NALCN: variants seen among roughly 807,000 people sequenced by gnomAD.
NALCN encodes sodium leak channel, non-selective.
Under a neutral mutation model 225.3 loss-of-function variants are expected in NALCN, and 111 were observed. The observed-to-expected ratio is 0.49, with a 90% CI of 0.42 to 0.58. The LOEUF is 0.58. Among genes scored for constraint, NALCN ranks in the 20% least tolerant of loss-of-function variants. The pLI is 0.00. For synonymous variants in NALCN, 764 were observed against 769.0 expected (o/e 0.99, Z 0.11); for missense variants, 1,378 against 2,202.4 (o/e 0.63, Z 7.49).
intron 1 of NALCN, among the ~76,000 whole-genome samples, chr13:101,412,038 C>G (rs1336393289): frequency 6.6e-6 from 1 of 152,166 alleles, no homozygotes; most frequent in Non-Finnish European, 1.5e-5. Context: ...AGCATTTGAT[C>G]ACAATGATGG....
intron 7 of NALCN, among the ~76,000 whole-genome samples, chr13:101,306,709 A>T (rs77167683): frequency 0.015 from 2,360 of 152,326 alleles, 17 homozygotes; most frequent in Non-Finnish European, 0.024. Context: ...GGCTTGGCTC[A>T]TTTAATCCTC....
intron 4 of NALCN, 123 bp from the exon 5 acceptor site, chr13:101,377,179 A>G (rs1434405491): frequency 3.3e-6 from 4 of 1,213,650 alleles, no homozygotes; most frequent in Admixed American, 5.4e-5. Context: ...GCCATACATT[A>G]TTTTCCACCA....
intron 6 of NALCN, among the ~76,000 whole-genome samples, chr13:101,363,051 C>G (rs2046290853): frequency 6.6e-6 from 1 of 151,926 alleles, no homozygotes; most frequent in Non-Finnish European, 1.5e-5. Flanking sequence ...AAGATCTCTA[C>G]AATGAAAACT....
chr13:101,321,945 T>C (rs536080897), intron 7 of NALCN, among the ~76,000 whole-genome samples: 25 of 152,304 alleles, frequency 1.6e-4, no homozygotes, highest in African/African-American at 5.8e-4. Context: ...TCTTATGTAA[T>C]TGAGTTTTTT....
At chr13:101,106,941 G>A (rs2035148464) in intron 22 of NALCN, among the ~76,000 whole-genome samples, 1 of 152,168 alleles carries the variant, frequency 6.6e-6, no homozygotes, top group Non-Finnish European at 1.5e-5. Context: ...TCCACAACTA[G>A]TGTCTTCAAT....
intron 18 of NALCN, among the ~76,000 whole-genome samples, chr13:101,118,533 T>C (rs1389598894): frequency 1.3e-5 from 2 of 152,228 alleles, no homozygotes; most frequent in Non-Finnish European, 2.9e-5. Flanking sequence ...CTCCTTAGTT[T>C]ATGGTTGTCT....
At chr13:101,062,527 G>A (rs575834032) in intron 40 of NALCN, among the ~76,000 whole-genome samples, 6 of 152,188 alleles carry the variant, frequency 3.9e-5, no homozygotes, top group East Asian at 1.9e-4. Flanking sequence ...TCGGCTGTGC[G>A]TCACACATCC....
rs142827781 is a variant in NALCN at position 101,409,178 on chromosome 13, C to T, written c.-40+7135G>A. Among the ~76,000 whole-genome samples, 12 of 152,224 alleles carry T rather than the reference C, an allele frequency of 7.9e-5. No homozygotes were observed. The East Asian group carries it at 1.4e-3, about 17-fold the overall frequency. On this transcript the variant is annotated intron_variant, in intron 1 of 43. Coordinates refer to ENST00000251127, the MANE Select transcript of NALCN (RefSeq NM_052867.4). ...TGCCCTTTTGTCATTGCACCCTGCA[C>T]GCCCAAACTAAAACTGTCATTGCAC...
At chr13:101,117,657 G>T (rs2035780832) in intron 18 of NALCN, among the ~76,000 whole-genome samples, 1 of 152,092 alleles carries the variant, frequency 6.6e-6, no homozygotes, top group Admixed American at 6.6e-5. Context: ...CTCAGTAACA[G>T]GCATTTATGT....
At chr13:101,286,925 CT>C (rs1384551538) in intron 9 of NALCN, among the ~76,000 whole-genome samples, 3 of 151,408 alleles carry the variant, frequency 2.0e-5, no homozygotes, top group Admixed American at 2.0e-4. Flanking sequence ...AACATAGGAT[CT>C]TTTTTTGTAC....
chr13:101,127,253 C>A (rs1359196202), intron 17 of NALCN, among the ~76,000 whole-genome samples: 1 of 152,226 alleles, frequency 6.6e-6, no homozygotes, highest in African/African-American at 2.4e-5. Flanking sequence ...AGTATTAATT[C>A]ATACAGGAGA....
chr13:101,370,803 T>C (rs1198268020), intron 6 of NALCN, among the ~76,000 whole-genome samples: 1 of 152,174 alleles, frequency 6.6e-6, no homozygotes, highest in Non-Finnish European at 1.5e-5. Flanking sequence ...TACGAAAGTG[T>C]ACAGTTTGAT....
At chr13:101,081,920 C>T (rs1462433757) in intron 33 of NALCN, among the ~76,000 whole-genome samples, 1 of 152,094 alleles carries the variant, frequency 6.6e-6, no homozygotes, top group Admixed American at 6.6e-5. Context: ...CTCTGTCACC[C>T]AGGCTGGAGT....
chr13:101,218,813 A>G (rs1480892745), intron 13 of NALCN, among the ~76,000 whole-genome samples: 1 of 152,090 alleles, frequency 6.6e-6, no homozygotes, highest in African/African-American at 2.4e-5. Flanking sequence ...CCAGGAGCCA[A>G]GCAGATGCTG....
At chr13:101,199,959 T>A (rs1263610921) in intron 13 of NALCN, among the ~76,000 whole-genome samples, 1 of 152,112 alleles carries the variant, frequency 6.6e-6, no homozygotes, top group East Asian at 1.9e-4. Flanking sequence ...TGGTTTCTCT[T>A]CAATTTCCTA....
chr13:101,158,233 G>T (rs2037999132), intron 15 of NALCN, among the ~76,000 whole-genome samples: 1 of 152,218 alleles, frequency 6.6e-6, no homozygotes. Flanking sequence ...TAATTTGTGT[G>T]ATTTCTTTTT....
chr13:101,133,172 C>T (rs1027609328), intron 17 of NALCN, among the ~76,000 whole-genome samples: 23 of 152,194 alleles, frequency 1.5e-4, no homozygotes, highest in Admixed American at 1.2e-3. Context: ...AATGCTTAGA[C>T]CTAAAGAACC....
Position 101,258,579 on chromosome 13 carries a change from G to T in NALCN, c.1135-5C>A, listed in dbSNP as rs1465562602. The T allele has an allele frequency of 1.2e-6, 2 of 1,614,138 alleles. No homozygotes were observed. The highest frequency in any genetic ancestry group is 2.2e-5 in the East Asian group (1 of 44,886). On this transcript the variant is annotated splice_region_variant and splice_polypyrimidine_tract_variant and intron_variant, in intron 10 of 43. Transcript: ENST00000251127. The stretch of plus-strand genomic sequence containing the variant: ...AACGGATGACCGCATCATTTTCTGA[G>T]GGGGCGAAACAGACAGACTCTTAAC...
chr13:101,291,134 A>G (rs549049961), intron 9 of NALCN, among the ~76,000 whole-genome samples: 4 of 152,310 alleles, frequency 2.6e-5, no homozygotes, highest in African/African-American at 9.6e-5. Context: ...CAATATTGCT[A>G]TGGAACTTAT....
Sources: gnomAD v4.1 joint callset for allele counts (sites outside exome capture counted in the v4.1 genomes callset) on GRCh38, gnomAD v4.1.1 for gene constraint, MANE v1.5 for transcripts, NCBI Gene and HGNC (gene_info 2026-07-23, HGNC 2026-07-21) for gene names.